The following FGF14 variants were observed in gnomAD, a reference collection of about 807,000 sequenced individuals.
The protein encoded by FGF14 is fibroblast growth factor homologous factor 4.
FGF14 carries 5 observed loss-of-function variants against 25.5 expected under a neutral mutation model. The observed-to-expected ratio is 0.20, with a 90% CI of 0.10 to 0.41. FGF14 has a LOEUF of 0.41. Among genes scored for constraint, FGF14 ranks in the 10% least tolerant of loss-of-function variants. FGF14 has a pLI of 1.00. For synonymous variants in FGF14, 138 were observed against 118.3 expected (o/e 1.17, Z -1.08); for missense variants, 222 against 320.1 (o/e 0.69, Z 2.34).
intron 1 of FGF14, among the ~76,000 whole-genome samples, chr13:102,200,410 C>A (rs917893891): frequency 1.3e-5 from 2 of 152,102 alleles, no homozygotes; most frequent in Non-Finnish European, 2.9e-5. Flanking sequence ...GACAGCAATT[C>A]TTTTCATTTA....
At chr13:102,130,909 T>C (rs1477459706) in intron 1 of FGF14, among the ~76,000 whole-genome samples, 1 of 152,152 alleles carries the variant, frequency 6.6e-6, no homozygotes, top group Admixed American at 6.5e-5. Flanking sequence ...TGAAGGGCTG[T>C]TCATAGTGTA....
chr13:102,093,520 C>A (rs1308960106), intron 1 of FGF14, among the ~76,000 whole-genome samples: 1 of 152,138 alleles, frequency 6.6e-6, no homozygotes, highest in Non-Finnish European at 1.5e-5. Context: ...TAATGCTAAT[C>A]ATCTCTGCAT....
At chr13:102,259,572 T>A (rs1257143727) in intron 1 of FGF14, among the ~76,000 whole-genome samples, 1 of 152,124 alleles carries the variant, frequency 6.6e-6, no homozygotes, top group Non-Finnish European at 1.5e-5. Flanking sequence ...TAAATTTGCT[T>A]ATCTCTGGAT....
chr13:101,883,530 A>T (rs1038252535), intron 1 of FGF14, among the ~76,000 whole-genome samples: 2 of 152,198 alleles, frequency 1.3e-5, no homozygotes, highest in Non-Finnish European at 2.9e-5. Flanking sequence ...GATTGCTGTC[A>T]ATTGTCCACA....
chr13:102,101,292 A>G (rs2044652810), intron 1 of FGF14, among the ~76,000 whole-genome samples: 3 of 152,170 alleles, frequency 2.0e-5, no homozygotes, highest in Admixed American at 2.0e-4. Context: ...TGGGAACATT[A>G]TGAAATATTT....
chr13:101,890,923 G>A (rs118033420), intron 1 of FGF14, among the ~76,000 whole-genome samples: 4,861 of 151,936 alleles, frequency 0.032, 107 homozygotes, highest in Non-Finnish European at 0.044. Context: ...CCTTTCAAGA[G>A]CCTTTTTTTT....
chr13:101,991,080 T>G (rs928057432), intron 1 of FGF14, among the ~76,000 whole-genome samples: 4 of 152,128 alleles, frequency 2.6e-5, no homozygotes, highest in African/African-American at 7.2e-5. Context: ...AAACTTGTTT[T>G]GTATCTTTCA....
chr13:102,381,407 G>A (rs2058180238), intron 1 of FGF14, among the ~76,000 whole-genome samples: 1 of 152,152 alleles, frequency 6.6e-6, no homozygotes, highest in Non-Finnish European at 1.5e-5. Flanking sequence ...TGGGATTGGT[G>A]CCTTTGTAAG....
intron 3 of FGF14, among the ~76,000 whole-genome samples, chr13:101,790,565 C>T (rs2040178765): frequency 1.3e-5 from 2 of 152,016 alleles, no homozygotes; most frequent in Admixed American, 1.3e-4. Flanking sequence ...ATGTGTGTCC[C>T]ATCATTAAGT....
At chr13:102,159,180 G>T (rs1212970411) in intron 1 of FGF14, among the ~76,000 whole-genome samples, 1 of 151,430 alleles carries the variant, frequency 6.6e-6, no homozygotes, top group African/African-American at 2.4e-5. Flanking sequence ...AAATTCAAGG[G>T]GTTCACCTTC....
intron 1 of FGF14, among the ~76,000 whole-genome samples, chr13:102,254,446 G>A (rs1057467670): frequency 1.3e-5 from 2 of 152,110 alleles, no homozygotes; most frequent in Admixed American, 1.3e-4. Context: ...GCTTCCAGGC[G>A]AGTCCAGGAG....
At chr13:101,964,306 T>C (rs2037051296) in intron 1 of FGF14, among the ~76,000 whole-genome samples, 1 of 152,356 alleles carries the variant, frequency 6.6e-6, no homozygotes, top group South Asian at 2.1e-4. Flanking sequence ...TTGACAAACA[T>C]ATATTATTTA....
intron 1 of FGF14, among the ~76,000 whole-genome samples, chr13:102,118,109 C>A (rs1348618587): frequency 1.3e-5 from 2 of 151,918 alleles, no homozygotes; most frequent in African/African-American, 4.8e-5. Flanking sequence ...ATACTCAAGA[C>A]AAAGGAAAAT....
chr13:102,082,002 TCAAAA>T (rs1458629063), intron 1 of FGF14, among the ~76,000 whole-genome samples: 2 of 152,074 alleles, frequency 1.3e-5, no homozygotes, highest in African/African-American at 4.8e-5. Context: ...ATTTAAGCAG[TCAAAA>T]CAAACAGGGA....
chr13:101,788,863 CTTTT>C (rs1166558353), intron 3 of FGF14, among the ~76,000 whole-genome samples: 1 of 78,304 alleles, frequency 1.3e-5, no homozygotes, highest in Non-Finnish European at 2.5e-5. Context: ...TTATTTGTGC[CTTTT>C]TTGACTATAT....
intron 1 of FGF14, among the ~76,000 whole-genome samples, chr13:101,907,550 G>A (rs1329787574): frequency 2.6e-5 from 4 of 152,108 alleles, no homozygotes; most frequent in South Asian, 2.1e-4. Flanking sequence ...ATGGGTGACC[G>A]TGACAAGAAC....
chr13:101,897,098 TA>T (rs2138947546), intron 1 of FGF14, among the ~76,000 whole-genome samples: 1 of 152,286 alleles, frequency 6.6e-6, no homozygotes. Context: ...TGCTAGGATA[TA>T]TATTATTATG....
chr13:102,015,587 G>A (rs1377775229), intron 1 of FGF14, among the ~76,000 whole-genome samples: 1 of 152,148 alleles, frequency 6.6e-6, no homozygotes. Flanking sequence ...GATAGGATAT[G>A]TGGACTAATC....
At chr13:102,090,812 G>A (rs1044238963) in intron 1 of FGF14, among the ~76,000 whole-genome samples, 1 of 152,196 alleles carries the variant, frequency 6.6e-6, no homozygotes, top group African/African-American at 2.4e-5. Context: ...ATCTAACAGC[G>A]ATGAGATCCT....
Sources: gnomAD v4.1 joint callset for allele counts (sites outside exome capture counted in the v4.1 genomes callset) on GRCh38, gnomAD v4.1.1 for gene constraint, MANE v1.5 for transcripts, NCBI Gene and HGNC (gene_info 2026-07-23, HGNC 2026-07-21) for gene names.